The following PRDM16 variants were observed in gnomAD, a reference collection of about 807,000 sequenced individuals.
PRDM16 encodes the protein histone-lysine N-methyltransferase PRDM16.
PRDM16 carries 23 observed loss-of-function variants against 110.6 expected under a neutral mutation model. The ratio of observed to expected loss-of-function variants is 0.21; its 90% CI spans 0.15 to 0.29. The LOEUF (loss-of-function observed/expected upper bound fraction) is 0.29, where lower values mean the gene tolerates loss of function less well. PRDM16 is among the 10% of genes least tolerant of loss of function. The pLI, the probability that PRDM16 is intolerant of heterozygous loss-of-function variation, is 1.00. For missense variants in PRDM16, 1,615 were observed against 1,794.3 expected (o/e 0.90, Z 1.81); for synonymous variants, 799 against 781.8 (o/e 1.02, Z -0.37).
chr1:3,128,917 C>T (rs531293312), intron 1 of PRDM16, among the ~76,000 whole-genome samples: 3 of 152,326 alleles, frequency 2.0e-5, no homozygotes, highest in East Asian at 1.9e-4. Context: ...GGTGCGCAGC[C>T]GTGGCCGGCA....
At chr1:3,237,487 A>C (rs1157455172) in intron 2 of PRDM16, among the ~76,000 whole-genome samples, 9 of 152,190 alleles carry the variant, frequency 5.9e-5, no homozygotes, top group Admixed American at 5.9e-4. Context: ...TCTGCCCCAG[A>C]GTAGTGAATT....
rs531805406 is a variant in PRDM16, at chr1:3,364,398, C to A, written c.439-20754C>A. ...GGTAATTTACAAACCCAAAAGTGCC[C>A]GACAAGGAGCCACAGCCTCTTGAAG... is the stretch of plus-strand genomic sequence containing the variant. On this transcript the variant is annotated intron_variant, in intron 3 of 16. Transcript: ENST00000270722. Among the ~76,000 whole-genome samples the A allele has an allele frequency of 2.6e-5, 4 of 152,272 alleles. No homozygotes were observed. The South Asian group carries it at 8.3e-4, about 32-fold the overall frequency.
chr1:3,385,141 C>T lies in PRDM16; in HGVS notation c.439-11C>T. On this transcript the variant is annotated splice_polypyrimidine_tract_variant and intron_variant, in intron 3 of 16. Transcript: ENST00000270722. ...GCACCTCTGACTCCCGCTTCGCTTT[C>T]CTCCCAGCAGATCTCCGAAGACCTG... 1 of 1,613,302 alleles carries T rather than the reference C, an allele frequency of 6.2e-7. No homozygotes were observed. Among genetic ancestry groups the T allele is most frequent in the Non-Finnish European group, 8.5e-7 (1 of 1,179,996 alleles).
chr1:3,154,277 G>A (rs577709593), intron 1 of PRDM16, among the ~76,000 whole-genome samples: 4 of 152,332 alleles, frequency 2.6e-5, no homozygotes, highest in African/African-American at 9.6e-5. Context: ...CACTCTCCCT[G>A]GGCGGCGTGG....
intron 1 of PRDM16, among the ~76,000 whole-genome samples, chr1:3,118,341 A>G (rs1350622115): frequency 6.6e-6 from 1 of 152,168 alleles, no homozygotes; most frequent in African/African-American, 2.4e-5. Context: ...GGTGGCCTGG[A>G]TGGCAATTCA....
At chr1:3,324,937 G>GA (rs1641854515) in intron 3 of PRDM16, among the ~76,000 whole-genome samples, 3 of 152,136 alleles carry the variant, frequency 2.0e-5, no homozygotes, top group Admixed American at 2.0e-4. Context: ...TGGTGCTGGA[G>GA]AAAATACTGA....
intron 1 of PRDM16, among the ~76,000 whole-genome samples, chr1:3,138,942 G>A (rs948899341): frequency 4.6e-5 from 7 of 152,228 alleles, no homozygotes; most frequent in Non-Finnish European, 7.4e-5. Flanking sequence ...CGTTCCTTGC[G>A]CTGGCCTCTC....
At chr1:3,174,056 C>T (rs1033706597) in intron 1 of PRDM16, among the ~76,000 whole-genome samples, 2 of 152,186 alleles carry the variant, frequency 1.3e-5, no homozygotes, top group South Asian at 2.1e-4. Context: ...AGGGTGTGCT[C>T]CTACTCCGGA....
chr1:3,336,654 GTGTATGTGTGCACAT>G (rs552955658), intron 3 of PRDM16, among the ~76,000 whole-genome samples: 1,679 of 146,694 alleles, frequency 0.011, 40 homozygotes, highest in African/African-American at 0.041. Context: ...GAGTGAGTGT[GTGTATGTGTGCACAT>G]TCACACACAT....
chr1:3,111,863 G>A (rs1198229569), intron 1 of PRDM16, among the ~76,000 whole-genome samples: 1 of 152,172 alleles, frequency 6.6e-6, no homozygotes, highest in Non-Finnish European at 1.5e-5. Context: ...TCCCCAGCCC[G>A]CCCTTTGAAA....
chr1:3,124,069 A>G (rs1214775015), intron 1 of PRDM16, among the ~76,000 whole-genome samples: 4 of 151,998 alleles, frequency 2.6e-5, no homozygotes, highest in Non-Finnish European at 4.4e-5. Context: ...CCCATGTTAG[A>G]TGTGCCCCCA....
chr1:3,336,152 C>G (rs1223564466), intron 3 of PRDM16, among the ~76,000 whole-genome samples: 1 of 152,246 alleles, frequency 6.6e-6, no homozygotes, highest in Non-Finnish European at 1.5e-5. Context: ...CCCCTGCATT[C>G]AGGCTTACTG....
At chr1:3,186,531 A>G in intron 2 of PRDM16, 57 bp downstream of exon 2, 1 of 1,190,678 alleles carries the variant, frequency 8.4e-7, no homozygotes, top group Non-Finnish European at 1.2e-6. Flanking sequence ...TGTTCAATCT[A>G]TTTATAAAGC....
intron 2 of PRDM16, among the ~76,000 whole-genome samples, chr1:3,214,235 G>T (rs530315058): frequency 6.6e-6 from 1 of 152,216 alleles, no homozygotes; most frequent in South Asian, 2.1e-4. Flanking sequence ...GAAACTTCTA[G>T]ATCTGAGGAG....
In PRDM16 at chr1:3,335,602, A is replaced by AACACACACACACACACACACAC. The variant is rs3036535; in HGVS notation, c.439-49531_439-49510dup. ...AAATCTAACCTTTGGCTGAGGTTAA[A>AACACACACACACACACACACAC]ACACACACACACACACACACACACA... On this transcript the variant is annotated intron_variant, in intron 3 of 16. Coordinates refer to ENST00000270722, the MANE Select transcript of PRDM16 (RefSeq NM_022114.4). Among the ~76,000 whole-genome samples the AACACACACACACACACACACAC allele has an allele frequency of 1.0e-4, 15 of 144,436 alleles. No homozygotes were observed. The East Asian group carries it at 1.1e-3, about 10-fold the overall frequency. 94.8% of individuals were successfully genotyped at this position (144,436 alleles called of 152,430 possible). A position where few individuals can be genotyped will look rare whatever the true frequency, so the allele number is the denominator to read the frequency against.
intron 1 of PRDM16, among the ~76,000 whole-genome samples, chr1:3,091,559 A>C (rs1444576734): frequency 6.6e-6 from 1 of 152,172 alleles, no homozygotes; most frequent in Admixed American, 6.5e-5. Context: ...TGCACCCCTC[A>C]TTCCCTTGGG....
rs560563391 is a variant in PRDM16 at position 3,209,958 on chromosome 1, A to G, written c.387+23484A>G. 1.3e-5 allele frequency among the ~76,000 whole-genome samples: 2 copies of G among 152,364 alleles called. No homozygotes were observed. Among genetic ancestry groups the G allele is most frequent in the Non-Finnish European group, 1.5e-5 (1 of 68,036 alleles). ...TCTTACTTAACATGGAAAATATCGTAGCATTTTCTAGAGACATTTGCAGGA... is the reference window on the plus strand; with the variant it reads ...TCTTACTTAACATGGAAAATATCGTGGCATTTTCTAGAGACATTTGCAGGA... On this transcript the variant is annotated intron_variant, in intron 2 of 16. Coordinates refer to ENST00000270722, the MANE Select transcript of PRDM16 (RefSeq NM_022114.4). This position sits in a 1 kb window ranked among gnomAD's most constrained non-coding sequence, Gnocchi z 4.6.
chr1:3,407,903 AG>A (rs1227928145), intron 8 of PRDM16, among the ~76,000 whole-genome samples: 1 of 152,216 alleles, frequency 6.6e-6, no homozygotes, highest in African/African-American at 2.4e-5. Flanking sequence ...CTTTTTGCTA[AG>A]GGGATAAAGC....
intron 2 of PRDM16, among the ~76,000 whole-genome samples, chr1:3,224,817 C>G (rs1255428405): frequency 6.6e-6 from 1 of 152,250 alleles, no homozygotes; most frequent in Non-Finnish European, 1.5e-5. Flanking sequence ...CGAGGAGACC[C>G]TGAGCTGCTC....
Sources: gnomAD v4.1 joint callset for allele counts (sites outside exome capture counted in the v4.1 genomes callset) on GRCh38, gnomAD v4.1.1 for gene constraint, Gnocchi (gnomAD v3.1) non-coding constraint, MANE v1.5 for transcripts, NCBI Gene and HGNC (gene_info 2026-07-23, HGNC 2026-07-21) for gene names.